The following CEP63 variants were observed in gnomAD, a reference collection of about 807,000 sequenced individuals.
CEP63 encodes centrosomal protein of 63 kDa.
In CEP63, 84 loss-of-function variants were observed where a neutral mutation model predicts 89.1. That is an observed-to-expected ratio of 0.94 (90% confidence interval 0.79 to 1.13). CEP63 has a LOEUF of 1.13. Among genes scored for constraint, CEP63 ranks in the 50% most tolerant of loss-of-function variants. CEP63 has a pLI of 0.00. For synonymous variants in CEP63, 267 were observed against 272.5 expected (o/e 0.98, Z 0.20); for missense variants, 838 against 813.3 (o/e 1.03, Z -0.37).
the CEP63 span, among the ~76,000 whole-genome samples, chr3:134,642,170 C>T: frequency 7.2e-5 from 11 of 152,198 alleles, no homozygotes; most frequent in Non-Finnish European, 1.5e-4. Context: ...GCTGGCCTTT[C>T]ATCACTACCT....
chr3:134,653,347 G>A, the CEP63 span, among the ~76,000 whole-genome samples: 2,127 of 152,288 alleles, frequency 0.014, 37 homozygotes, highest in African/African-American at 0.044. Context: ...TGTGAACACC[G>A]CTTTGGAGCA....
At chr3:134,488,808 G>A (rs1267040835) in intron 1 of CEP63, among the ~76,000 whole-genome samples, 1 of 152,082 alleles carries the variant, frequency 6.6e-6, no homozygotes, top group Non-Finnish European at 1.5e-5. Flanking sequence ...GCACTGTCCG[G>A]TATTGTAGCC....
chr3:134,618,298 G>A, the CEP63 span, among the ~76,000 whole-genome samples: 1,825 of 152,254 alleles, frequency 0.012, 18 homozygotes, highest in South Asian at 0.025. Flanking sequence ...CCTGCCTGTG[G>A]ACTAAGTGTT....
the CEP63 span, among the ~76,000 whole-genome samples, chr3:134,741,489 C>G: frequency 6.6e-6 from 1 of 152,184 alleles, no homozygotes; most frequent in Admixed American, 6.5e-5. Context: ...CTGCTTCCCC[C>G]TATGCCTGGC....
At position 134,533,649 on chromosome 3, in the gene CEP63, G is replaced by T. The variant is rs114714740; in HGVS notation, c.441+749G>T. Among the ~76,000 whole-genome samples, 1,149 of 152,212 alleles carry T rather than the reference G, an allele frequency of 7.5e-3. 17 individuals are homozygous for T. Among genetic ancestry groups the T allele is most frequent in the African/African-American group, 0.026 (1,092 of 41,520 alleles). On this transcript the variant is annotated intron_variant, in intron 5 of 14. Coordinates refer to ENST00000675561, the MANE Select transcript of CEP63 (RefSeq NM_001353108.3). ...TGTCCTTGCCATTAGTTCTTCACTGGACATAAGAATTCCCAGGGTGCTTTT... is the reference window on the plus strand; with the variant it reads ...TGTCCTTGCCATTAGTTCTTCACTGTACATAAGAATTCCCAGGGTGCTTTT...
the CEP63 span, among the ~76,000 whole-genome samples, chr3:134,655,278 C>A: frequency 1.3e-5 from 2 of 152,224 alleles, no homozygotes; most frequent in Admixed American, 6.5e-5. Flanking sequence ...CTCCGTGTTG[C>A]CTTCCTTCTC....
At chr3:134,526,374 C>A (rs756638613) in intron 3 of CEP63, among the ~76,000 whole-genome samples, 1 of 151,472 alleles carries the variant, frequency 6.6e-6, no homozygotes, top group African/African-American at 2.4e-5. Flanking sequence ...ATTTCTTTCC[C>A]CTGCTTGGTC....
chr3:134,643,673 A>G, the CEP63 span, among the ~76,000 whole-genome samples: 9 of 152,342 alleles, frequency 5.9e-5, no homozygotes, highest in Middle Eastern at 3.4e-3. Context: ...CTTTGTAGCC[A>G]TAACTCCCAA....
chr3:134,716,117 C>T, the CEP63 span, among the ~76,000 whole-genome samples: 1 of 152,122 alleles, frequency 6.6e-6, no homozygotes, highest in Non-Finnish European at 1.5e-5. Flanking sequence ...CAGTTTCAGT[C>T]TGGGTGGCAA....
chr3:134,559,197 A>G lies in CEP63; in HGVS notation c.1721A>G (p.Tyr574Cys), dbSNP rs1052581255. 6.2e-7 allele frequency: 1 copy of G among 1,614,164 alleles called. No homozygotes were observed. The highest frequency in any genetic ancestry group is 1.1e-5 in the South Asian group (1 of 91,074). ...CATGATGGAATAAAGACTGAGCACT[A>G]CAAAACAGATCTTCATTCTCCAAGA... ...HRHDGIKTEH[Y>C]KTDLHSPRGQ... The change falls in exon 14 of 15, where the codon TAC (tyrosine) becomes TGC (cysteine). Residue 574 changes from tyrosine to cysteine, a missense_variant. Physicochemically the swap from Tyr to Cys is radical, Grantham distance 194. Coordinates refer to ENST00000675561, the MANE Select transcript of CEP63 (RefSeq NM_001353108.3).
the CEP63 span, among the ~76,000 whole-genome samples, chr3:134,753,468 G>A: frequency 4.6e-5 from 7 of 152,180 alleles, no homozygotes; most frequent in Non-Finnish European, 1.0e-4. Flanking sequence ...AGTGAGCTAA[G>A]GACCCTTGGT....
chr3:134,703,882 G>A, the CEP63 span, among the ~76,000 whole-genome samples: 24 of 152,238 alleles, frequency 1.6e-4, no homozygotes, highest in Middle Eastern at 6.8e-3. Flanking sequence ...CCTGCCAAAG[G>A]CTTCTAAATC....
the CEP63 span, among the ~76,000 whole-genome samples, chr3:134,614,345 C>A: frequency 6.6e-6 from 1 of 152,080 alleles, no homozygotes; most frequent in Admixed American, 6.5e-5. Context: ...AATTGACAAC[C>A]TCAATTTTGC....
the CEP63 span, among the ~76,000 whole-genome samples, chr3:134,777,088 A>C: frequency 3.3e-5 from 5 of 152,242 alleles, no homozygotes; most frequent in African/African-American, 1.2e-4. Context: ...TGACAAACAC[A>C]CATTTAACCA....
the CEP63 span, among the ~76,000 whole-genome samples, chr3:134,599,532 A>G: frequency 1.3e-5 from 2 of 152,248 alleles, no homozygotes; most frequent in Non-Finnish European, 2.9e-5. Context: ...TTCTGCATGT[A>G]TATGAATATC....
chr3:134,604,128 G>A, the CEP63 span: 1 of 1,608,564 alleles, frequency 6.2e-7, no homozygotes, highest in South Asian at 1.1e-5. Flanking sequence ...TGATGGAGCA[G>A]CGCCCGTCGC....
chr3:134,611,128 C>T, the CEP63 span, among the ~76,000 whole-genome samples: 1 of 152,222 alleles, frequency 6.6e-6, no homozygotes, highest in Non-Finnish European at 1.5e-5. Context: ...GGCCACAATT[C>T]TGGAGTCTCC....
At chr3:134,524,227 A>G (rs1313326145) in intron 3 of CEP63, among the ~76,000 whole-genome samples, 1 of 152,126 alleles carries the variant, frequency 6.6e-6, no homozygotes, top group Non-Finnish European at 1.5e-5. Flanking sequence ...ACTTTTGTAC[A>G]TTGATTTTAT....
Position 134,551,915 on chromosome 3 carries a change from C to T in CEP63, c.1381-11C>T, listed in dbSNP as rs375168871. 2.7e-4 allele frequency: 422 copies of T among 1,581,908 alleles called. 1 individual carries two copies. Among genetic ancestry groups the T allele is most frequent in the Middle Eastern group, 8.4e-4 (5 of 5,960 alleles). On this transcript the variant is annotated splice_polypyrimidine_tract_variant and intron_variant, in intron 11 of 14. Transcript: ENST00000675561. ...TGTTATATTTATTTTTTTCTGTTTTCCCCTTTTCAGGAGATTTTGGATCAG... is the reference window on the plus strand; with the variant it reads ...TGTTATATTTATTTTTTTCTGTTTTTCCCTTTTCAGGAGATTTTGGATCAG...
Sources: allele counts gnomAD v4.1 joint callset (sites outside exome capture counted in the v4.1 genomes callset), GRCh38; gene constraint gnomAD v4.1.1; transcripts MANE v1.5; gene names NCBI Gene and HGNC (gene_info 2026-07-23, HGNC 2026-07-21).